The following NADK variants were observed in gnomAD, a reference collection of about 807,000 sequenced individuals.
NADK encodes the protein poly(P)/ATP NAD kinase.
NADK carries 22 observed loss-of-function variants against 49.8 expected under a neutral mutation model. That is an observed-to-expected ratio of 0.44 (90% confidence interval 0.32 to 0.63). The LOEUF is 0.63. Ranked by LOEUF, NADK falls within the 30% of genes least tolerant of loss-of-function variation. The pLI is 0.06. For synonymous variants in NADK, 268 were observed against 253.7 expected (o/e 1.06, Z -0.54); for missense variants, 438 against 609.4 (o/e 0.72, Z 2.96).
chr1:1,755,918 G>T lies in NADK; in HGVS notation c.585+340C>A, dbSNP rs886940271. Reference sequence around the variant, plus strand: ...ACAGCGTGGCCCTACAGCCCCAGGGGAGAGCTGTGCTGCTGAGAAACCAGG... The same window carrying T: ...ACAGCGTGGCCCTACAGCCCCAGGGTAGAGCTGTGCTGCTGAGAAACCAGG... On this transcript the variant is annotated intron_variant, in intron 6 of 11. Coordinates refer to ENST00000341426, the MANE Select transcript of NADK (RefSeq NM_023018.5). 1.0e-5 allele frequency: 5 copies of T among 487,156 alleles called. No individual in the cohort carries two copies. In the East Asian group the frequency reaches 1.8e-4, roughly 18 times the overall value. The allele number at this position is 487,156 out of a possible 1,614,324, so 30.2% of individuals were successfully genotyped here. A position where few individuals can be genotyped will look rare whatever the true frequency, so the allele number is the denominator to read the frequency against.
chr1:1,754,393 C>A lies in NADK; in HGVS notation c.844-10G>T, dbSNP rs773568772. The A allele has an allele frequency of 6.2e-7, 1 of 1,613,254 alleles. No homozygotes were observed. The stretch of plus-strand genomic sequence containing the variant: ...CCACCTCATTCAGGACCTGGAGGGG[C>A]GACAGCATTGCACACTCAGGGCGGG... On this transcript the variant is annotated splice_polypyrimidine_tract_variant and intron_variant, in intron 8 of 11. Coordinates refer to ENST00000341426, the MANE Select transcript of NADK (RefSeq NM_023018.5). This position sits in a 1 kb window ranked among gnomAD's most constrained non-coding sequence, Gnocchi z 4.3.
At chr1:1,755,325 G>T in intron 7 of NADK, 49 bp downstream of exon 7, 2 of 1,323,992 alleles carry the variant, frequency 1.5e-6, no homozygotes, top group Non-Finnish European at 2.2e-6. Flanking sequence ...AAGCGAGACA[G>T]CAGCGCCATG....
At chr1:1,773,746 T>C (rs1214596527) in intron 1 of NADK, among the ~76,000 whole-genome samples, 1 of 70,178 alleles carries the variant, frequency 1.4e-5, no homozygotes, top group Non-Finnish European at 3.4e-5. Flanking sequence ...GAGAGAGAAA[T>C]AGAGATATTG....
At chr1:1,762,071 C>T (rs753493078) in intron 2 of NADK, 36 bp from the exon 3 acceptor site, 1 of 1,575,586 alleles carries the variant, frequency 6.3e-7, no homozygotes, top group South Asian at 1.1e-5. Flanking sequence ...CCACCAGGGC[C>T]TGAAACCAGA....
At chr1:1,755,517 C>T (rs1045222861) in intron 6 of NADK, 41 bp from the exon 7 acceptor site, 3 of 1,451,170 alleles carry the variant, frequency 2.1e-6, no homozygotes, top group Non-Finnish European at 1.9e-6. Flanking sequence ...CCACGCCGTG[C>T]ACCCCCGCAC....
Position 1,752,700 on chromosome 1 carries a change from CG to C in NADK, c.*203del. 1.7e-6 allele frequency: 1 copy of C among 600,726 alleles called. No homozygotes were observed. Among genetic ancestry groups the C allele is most frequent in the South Asian group, 2.6e-5 (1 of 37,962 alleles). The allele number at this position is 600,726 out of a possible 1,614,324, so 37.2% of individuals were successfully genotyped here. ...AGAAGCACTCCCAGCCCATTTCTCA[CG>C]CTTCTTTAGAAATGCAAAAAAAGTC... On this transcript the variant is annotated 3_prime_UTR_variant, in exon 12 of 12. Coordinates refer to ENST00000341426, the MANE Select transcript of NADK (RefSeq NM_023018.5).
chr1:1,756,276 G>A lies in NADK; in HGVS notation c.567C>T (p.Tyr189=), dbSNP rs144725517. ...ICLGGDGTLL[Y]ASSLFQGSVP... ...GCTTCACCTGGAAAAGCGAGGAAGC[G>A]TACAGCAGCGTCCCGTCTCCCCCCA... is the stretch of plus-strand genomic sequence containing the variant. Residue 189 remains tyrosine (Y), a synonymous_variant, in exon 6 of 12, where the codon TAC becomes TAT. Transcript: ENST00000341426. 97 of 1,614,080 alleles carry A rather than the reference G, an allele frequency of 6.0e-5. 1 individual carries two copies. In the African/African-American group the frequency reaches 8.7e-4, roughly 14 times the overall value.
intron 10 of NADK, 91 bp from the exon 11 acceptor site, chr1:1,753,740 G>A: frequency 2.5e-6 from 3 of 1,203,888 alleles, no homozygotes; most frequent in Non-Finnish European, 3.6e-6. Context: ...GAGGTCGAAG[G>A]TTGGGCAGCT....
chr1:1,773,474 G>A (rs1646111043), intron 1 of NADK, among the ~76,000 whole-genome samples: 1 of 149,052 alleles, frequency 6.7e-6, no homozygotes, highest in African/African-American at 2.5e-5. Flanking sequence ...ATAAAGGTCA[G>A]ACACAGTGGC....
chr1:1,771,733 C>T (rs760747600), intron 1 of NADK, among the ~76,000 whole-genome samples: 17 of 152,166 alleles, frequency 1.1e-4, no homozygotes, highest in African/African-American at 1.7e-4. Context: ...CAAATATTAA[C>T]TCAGAATGGA....
At chr1:1,775,046 T>A (rs1486746692) in intron 1 of NADK, among the ~76,000 whole-genome samples, 1 of 151,910 alleles carries the variant, frequency 6.6e-6, no homozygotes, top group Admixed American at 6.6e-5. Flanking sequence ...GCGGCAGAGG[T>A]TGCAGTGAGC....
In NADK at chr1:1,756,487, G is replaced by A. The variant is rs1462633441; in HGVS notation, c.499+16C>T. 1.9e-6 allele frequency: 3 copies of A among 1,613,952 alleles called. No homozygotes were observed. Among genetic ancestry groups the A allele is most frequent in the Admixed American group, 1.7e-5 (1 of 60,018 alleles). On this transcript the variant is annotated intron_variant, in intron 5 of 11. Coordinates refer to ENST00000341426, the MANE Select transcript of NADK (RefSeq NM_023018.5). ...CTGTGCTGGAGAAACCAAGGACAGA[G>A]CTGCTGACAGCCCACCTTCTCGAAA...
chr1:1,777,859 T>C (rs1302719810), intron 1 of NADK, among the ~76,000 whole-genome samples: 1 of 152,212 alleles, frequency 6.6e-6, no homozygotes, highest in Admixed American at 6.5e-5. Context: ...ATGCCAATAC[T>C]GCTGTATAGA....
chr1:1,763,085 G>A (rs1645777030), intron 2 of NADK, among the ~76,000 whole-genome samples: 1 of 152,244 alleles, frequency 6.6e-6, no homozygotes, highest in South Asian at 2.1e-4. Context: ...TGCCTCGCAG[G>A]GCCAGACAAC....
In NADK at chr1:1,754,586, T is replaced by C; in HGVS notation, c.801A>G (p.Ala267=). The C allele has an allele frequency of 6.2e-7, 1 of 1,613,532 alleles. No homozygotes were observed. Among genetic ancestry groups the C allele is most frequent in the African/African-American group, 1.3e-5 (1 of 75,008 alleles). Residue 267 remains alanine, a synonymous_variant, in exon 8 of 12, where the codon GCA becomes GCG. Transcript: ENST00000341426. This position sits in a 1 kb window ranked among gnomAD's most constrained non-coding sequence, Gnocchi z 4.3. ...NGLGENGSQA[A]GLDMDVGKQA... ...GCTTCCCGACATCCATGTCCAGGCC[T>C]GCAGCCTGCGAGCCGTTCTCACCCA...
intron 1 of NADK, among the ~76,000 whole-genome samples, chr1:1,771,693 C>T (rs369366529): frequency 1.1e-4 from 16 of 152,130 alleles, no homozygotes; most frequent in East Asian, 7.7e-4. Flanking sequence ...TCTAAAAGAA[C>T]GAAGCCCAAC....
chr1:1,754,896 A>G lies in NADK; in HGVS notation c.689-198T>C. 1.8e-6 allele frequency: 1 copy of G among 545,322 alleles called. No homozygotes were observed. The highest frequency in any genetic ancestry group is 3.2e-6 in the Non-Finnish European group (1 of 315,932). The allele number at this position is 545,322 out of a possible 1,614,324, so 33.8% of individuals were successfully genotyped here. A position where few individuals can be genotyped will look rare whatever the true frequency, so the allele number is the denominator to read the frequency against. On this transcript the variant is annotated intron_variant, in intron 7 of 11. Transcript: ENST00000341426. The surrounding 1 kb of genome is among the most constrained non-coding windows in gnomAD (Gnocchi z 4.3). The stretch of plus-strand genomic sequence containing the variant: ...GAATGCAGTGGTGTGATCTTGGCTC[A>G]CTGCAACCTCTGCCTCCCAGGTTCA...
intron 1 of NADK, among the ~76,000 whole-genome samples, chr1:1,776,970 C>T (rs1211991843): frequency 6.6e-6 from 1 of 151,988 alleles, no homozygotes; most frequent in Non-Finnish European, 1.5e-5. Context: ...CCCAGCTACT[C>T]AGGAGGCTGA....
intron 1 of NADK, among the ~76,000 whole-genome samples, chr1:1,766,493 G>A (rs1431048771): frequency 7.3e-6 from 1 of 137,312 alleles, no homozygotes; most frequent in Non-Finnish European, 1.5e-5. Context: ...ATTAATGAGA[G>A]AGAAAGTGTG....
Sources: gnomAD v4.1 joint callset for allele counts (sites outside exome capture counted in the v4.1 genomes callset) on GRCh38, gnomAD v4.1.1 for gene constraint, Gnocchi (gnomAD v3.1) non-coding constraint, MANE v1.5 for transcripts, NCBI Gene and HGNC (gene_info 2026-07-23, HGNC 2026-07-21) for gene names.